The following ZNF662 variants were observed in gnomAD, a reference collection of about 807,000 sequenced individuals.
ZNF662 encodes the protein zinc finger protein 662.
ZNF662 carries 14 observed loss-of-function variants against 12.4 expected under a neutral mutation model. That is an observed-to-expected ratio of 1.13 (90% confidence interval 0.75 to 1.77). The LOEUF is 1.77. ZNF662 is among the 40% of genes most tolerant of loss of function. ZNF662 has a pLI of 0.00. For synonymous variants in ZNF662, 184 were observed against 176.4 expected (o/e 1.04, Z -0.34); for missense variants, 550 against 515.6 (o/e 1.07, Z -0.65).
intron 4 of ZNF662, 89 bp downstream of exon 4, chr3:42,913,391 A>G (rs983234438): frequency 1.8e-6 from 2 of 1,122,372 alleles, no homozygotes; most frequent in African/African-American, 3.1e-5. Context: ...TTTGCCATTC[A>G]TGTTCTAAAC....
chr3:42,912,268 ATATAT>A (rs1459267988), intron 3 of ZNF662, among the ~76,000 whole-genome samples: 1 of 126,472 alleles, frequency 7.9e-6, no homozygotes, highest in Non-Finnish European at 1.6e-5. Flanking sequence ...TATATATCTT[ATATAT>A]TATATATAAA....
Position 42,906,460 on chromosome 3 carries a change from C to T in ZNF662, c.-94+292C>T. On this transcript the variant is annotated intron_variant, in intron 1 of 4. Coordinates refer to ENST00000440367, the MANE Select transcript of ZNF662 (RefSeq NM_207404.4). The surrounding 1 kb of genome is among the most constrained non-coding windows in gnomAD (Gnocchi z 4.4). ...GCGCCGGGTGAGTGCGGGGCCGGAGCCTGGAAGCAGTCTTGGCCCTGCCCT... is the reference window on the plus strand; with the variant it reads ...GCGCCGGGTGAGTGCGGGGCCGGAGTCTGGAAGCAGTCTTGGCCCTGCCCT... The T allele has an allele frequency of 1.4e-6, 2 of 1,423,776 alleles. No homozygotes were observed. The highest frequency in any genetic ancestry group is 9.1e-7 in the Non-Finnish European group (1 of 1,094,710). The allele number at this position is 1,423,776 out of a possible 1,614,324, so 88.2% of individuals were successfully genotyped here.
intron 3 of ZNF662, among the ~76,000 whole-genome samples, chr3:42,912,404 TTA>T (rs2088811423): frequency 1.0e-5 from 1 of 98,888 alleles, no homozygotes; most frequent in South Asian, 2.8e-4. Context: ...TATTTATATA[TTA>T]TATATTATAT....
intron 4 of ZNF662, 47 bp downstream of exon 4, chr3:42,913,349 C>T (rs2088854625): frequency 6.8e-7 from 1 of 1,467,996 alleles, no homozygotes. Flanking sequence ...ACATCTTTTC[C>T]TATCTTTCTT....
At position 42,919,005 on chromosome 3, in the gene ZNF662, A is replaced by G. The variant is rs2088923157; in HGVS notation, c.*3651A>G. ...CTCCCTTGGTCTTATTTTCCCAAAA[A>G]AGAAACCTCCAGGTTATGGGCACCT... On this transcript the variant is annotated 3_prime_UTR_variant, in exon 5 of 5. Coordinates refer to ENST00000440367, the MANE Select transcript of ZNF662 (RefSeq NM_207404.4). Among the ~76,000 whole-genome samples the G allele has an allele frequency of 6.6e-6, 1 of 152,152 alleles. No individual in the cohort carries two copies. The highest frequency in any genetic ancestry group is 6.5e-5 in the Admixed American group (1 of 15,272).
In ZNF662 at chr3:42,915,463, G is replaced by A; in HGVS notation, c.*109G>A. The stretch of plus-strand genomic sequence containing the variant: ...CTGTAACCCTTAACTTAAATAGCCA[G>A]TATTATCTTGCCCTTTTGAACATTT... On this transcript the variant is annotated 3_prime_UTR_variant, in exon 5 of 5. Coordinates refer to ENST00000440367, the MANE Select transcript of ZNF662 (RefSeq NM_207404.4). The A allele has an allele frequency of 1.0e-6, 1 of 998,096 alleles. No individual in the cohort carries two copies. The highest frequency in any genetic ancestry group is 1.5e-6 in the Non-Finnish European group (1 of 685,418). 61.8% of individuals were successfully genotyped at this position (998,096 alleles called of 1,614,324 possible).
intron 1 of ZNF662, 156 bp from the exon 2 acceptor site, chr3:42,907,866 A>G: frequency 1.0e-6 from 1 of 985,432 alleles, no homozygotes; most frequent in South Asian, 4.7e-5. Flanking sequence ...CTTTGTACAT[A>G]GGAGGCAAAA....
intron 3 of ZNF662, among the ~76,000 whole-genome samples, chr3:42,912,665 TA>T (rs367831912): frequency 0.13 from 4,847 of 37,586 alleles, 321 homozygotes; most frequent in East Asian, 0.22. Flanking sequence ...TATATATATA[TA>T]TTTTTTATAT....
chr3:42,909,002 T>C, intron 3 of ZNF662, 93 bp downstream of exon 3: 1 of 778,200 alleles, frequency 1.3e-6, no homozygotes, highest in Non-Finnish European at 2.0e-6. Flanking sequence ...TCTAGTGTTG[T>C]AGACACTAGT....
At chr3:42,914,226 G>C (rs1385585297) in intron 4 of ZNF662, 101 bp from the exon 5 acceptor site, 19 of 1,056,576 alleles carry the variant, frequency 1.8e-5, no homozygotes, top group Middle Eastern at 6.3e-4. Flanking sequence ...TGAGACATGG[G>C]TGGCACTTGG....
In ZNF662 at chr3:42,917,546, G is replaced by A. The variant is rs963935972; in HGVS notation, c.*2192G>A. On this transcript the variant is annotated 3_prime_UTR_variant, in exon 5 of 5. Coordinates refer to ENST00000440367, the MANE Select transcript of ZNF662 (RefSeq NM_207404.4). ...CTAAACAGAGAGAAACTAGGTCCTTGGTGACATCTTTTGAGCCACTAGACC... is the reference window on the plus strand; with the variant it reads ...CTAAACAGAGAGAAACTAGGTCCTTAGTGACATCTTTTGAGCCACTAGACC... The A allele has an allele frequency of 1.4e-6, 1 of 702,734 alleles. No homozygotes were observed. Among genetic ancestry groups the A allele is most frequent in the Non-Finnish European group, 2.6e-6 (1 of 384,954 alleles). The allele number at this position is 702,734 out of a possible 1,614,324, so 43.5% of individuals were successfully genotyped here. A position where few individuals can be genotyped will look rare whatever the true frequency, so the allele number is the denominator to read the frequency against.
chr3:42,913,931 G>C (rs528039166), intron 4 of ZNF662, among the ~76,000 whole-genome samples: 35 of 152,056 alleles, frequency 2.3e-4, no homozygotes, highest in African/African-American at 8.4e-4. Context: ...GACAAGCCCA[G>C]GTTCTCAGGT....
rs544431344 is a variant in ZNF662, at chr3:42,913,046, CCTT to C, written c.152-154_152-152del. ...GTGTGAGCCACCACGCCCAGCCTAT[CCTT>C]ATTATTCTGTACCATCAAATTTCTG... On this transcript the variant is annotated intron_variant, in intron 3 of 4. Coordinates refer to ENST00000440367, the MANE Select transcript of ZNF662 (RefSeq NM_207404.4). Among the ~76,000 whole-genome samples the C allele has an allele frequency of 1.2e-4, 19 of 152,010 alleles. No individual in the cohort carries two copies. In the East Asian group the frequency reaches 3.1e-3, roughly 25 times the overall value.
rs2088916385 is a variant in ZNF662 at position 42,918,393 on chromosome 3, A to G, written c.*3039A>G. On this transcript the variant is annotated 3_prime_UTR_variant, in exon 5 of 5. Transcript: ENST00000440367. Reference sequence around the variant, plus strand: ...ACTGAATACCAGGCCACCACACATGAGCTGAAGAGCCTAGTCTTCTCCCCC... The same window carrying G: ...ACTGAATACCAGGCCACCACACATGGGCTGAAGAGCCTAGTCTTCTCCCCC... Among the ~76,000 whole-genome samples, 1 of 152,192 alleles carries G rather than the reference A, an allele frequency of 6.6e-6. No individual in the cohort carries two copies. Among genetic ancestry groups the G allele is most frequent in the African/African-American group, 2.4e-5 (1 of 41,454 alleles).
intron 3 of ZNF662, among the ~76,000 whole-genome samples, chr3:42,912,545 ATTT>A (rs1310760565): frequency 4.5e-5 from 1 of 22,036 alleles, no homozygotes; most frequent in African/African-American, 1.3e-4. Context: ...ATATTTATAT[ATTT>A]AATATAAATA....
chr3:42,914,218 A>G, intron 4 of ZNF662, 109 bp from the exon 5 acceptor site: 1 of 990,752 alleles, frequency 1.0e-6, no homozygotes, highest in Non-Finnish European at 1.5e-6. Context: ...AGGGCCACTG[A>G]GACATGGGTG....
Position 42,906,516 on chromosome 3 carries a change from G to T in ZNF662, c.-94+348G>T, listed in dbSNP as rs1234166544. On this transcript the variant is annotated intron_variant, in intron 1 of 4. Transcript: ENST00000440367. The surrounding 1 kb of genome is among the most constrained non-coding windows in gnomAD (Gnocchi z 4.4). ...CTAGGCCCGGAGACGGGGTGGTGCGGCGGCTGGGAAATGGGGGTACAACCC... is the reference window on the plus strand; with the variant it reads ...CTAGGCCCGGAGACGGGGTGGTGCGTCGGCTGGGAAATGGGGGTACAACCC... 3.0e-6 allele frequency: 4 copies of T among 1,313,936 alleles called. No homozygotes were observed. The highest frequency in any genetic ancestry group is 4.0e-6 in the Non-Finnish European group (4 of 1,009,300). The allele number at this position is 1,313,936 out of a possible 1,614,324, so 81.4% of individuals were successfully genotyped here.
chr3:42,906,543 G>T lies in ZNF662; in HGVS notation c.-94+375G>T. On this transcript the variant is annotated intron_variant, in intron 1 of 4. Coordinates refer to ENST00000440367, the MANE Select transcript of ZNF662 (RefSeq NM_207404.4). The surrounding 1 kb of genome is among the most constrained non-coding windows in gnomAD (Gnocchi z 4.4). ...GGCTGGGAAATGGGGGTACAACCCA[G>T]AGTGAGGGGCCTCGAGGGACAGGCA... 9.6e-7 allele frequency: 1 copy of T among 1,044,076 alleles called. No homozygotes were observed. The highest frequency in any genetic ancestry group is 3.2e-5 in the East Asian group (1 of 31,476). The allele number at this position is 1,044,076 out of a possible 1,614,324, so 64.7% of individuals were successfully genotyped here.
intron 3 of ZNF662, among the ~76,000 whole-genome samples, chr3:42,912,749 A>ATTTT (rs2088844744): frequency 3.0e-5 from 2 of 67,328 alleles, no homozygotes; most frequent in African/African-American, 1.0e-4. Context: ...ATATATATAT[A>ATTTT]TATTTTTTGA....
Sources: gnomAD v4.1 joint callset for allele counts (sites outside exome capture counted in the v4.1 genomes callset) on GRCh38, gnomAD v4.1.1 for gene constraint, Gnocchi (gnomAD v3.1) non-coding constraint, MANE v1.5 for transcripts, NCBI Gene and HGNC (gene_info 2026-07-23, HGNC 2026-07-21) for gene names.